Variants in ANO3 observed in about 807,000 individuals in gnomAD.
The protein encoded by ANO3 is anoctamin 3, also known as anoctamin-3.
In ANO3, 99 loss-of-function variants were observed where a neutral mutation model predicts 144.8. That is an observed-to-expected ratio of 0.68 (90% confidence interval 0.58 to 0.81). ANO3 has a LOEUF of 0.81. Ranked by LOEUF, ANO3 falls within the 30% of genes least tolerant of loss-of-function variation. The probability of loss-of-function intolerance (pLI) is 0.00; values close to 1 mark genes in which losing one functional copy is unlikely to be tolerated. For missense variants in ANO3, 905 were observed against 1,202.2 expected, an observed-to-expected ratio of 0.75 and a Z score of 3.66; for synonymous variants, 414 against 392.6, an observed-to-expected ratio of 1.05 and a Z score of -0.64.
intron 1 of ANO3, among the ~76,000 whole-genome samples, chr11:26,396,189 A>G (rs2133968520): frequency 6.6e-6 from 1 of 152,292 alleles, no homozygotes; most frequent in Non-Finnish European, 1.5e-5. Context: ...TATGAAAGAA[A>G]GCTCACAATC....
chr11:26,572,422 G>T (rs1346446646), intron 14 of ANO3, among the ~76,000 whole-genome samples: 1 of 151,946 alleles, frequency 6.6e-6, no homozygotes, highest in Admixed American at 6.6e-5. Flanking sequence ...GTGAAAAAAA[G>T]GACAAAGATT....
At chr11:26,232,827 TC>T (rs1211431387) in intron 1 of ANO3, among the ~76,000 whole-genome samples, 1 of 152,028 alleles carries the variant, frequency 6.6e-6, no homozygotes. Flanking sequence ...AAAGAAACTA[TC>T]ATCAGAGTGA....
chr11:26,624,082 G>A (rs931894695), intron 17 of ANO3, among the ~76,000 whole-genome samples: 1 of 152,240 alleles, frequency 6.6e-6, no homozygotes. Context: ...CACCGCGCCC[G>A]GCCAAAAAAC....
intron 14 of ANO3, among the ~76,000 whole-genome samples, chr11:26,568,172 A>G (rs914002722): frequency 2.0e-5 from 3 of 152,094 alleles, no homozygotes; most frequent in Non-Finnish European, 4.4e-5. Flanking sequence ...ATTGGAAAGT[A>G]TATTACTATT....
rs545074605 is a variant in ANO3, at chr11:26,227,428, T to C, written c.154+38098T>C. Among the ~76,000 whole-genome samples, 88 of 152,282 alleles carry C rather than the reference T, an allele frequency of 5.8e-4. 3 individuals are homozygous for C. The South Asian group carries it at 0.018, about 31-fold the overall frequency. On this transcript the variant is annotated intron_variant, in intron 1 of 27. Coordinates refer to the ANO3 transcript ENST00000672621. ...CTTGATTGTCTATGTAATACCACCA[T>C]CTCTTGGTCATGGTTGAGTATGCAT...
intron 1 of ANO3, among the ~76,000 whole-genome samples, chr11:26,257,746 T>C (rs1363248664): frequency 2.6e-5 from 4 of 151,524 alleles, no homozygotes; most frequent in African/African-American, 9.7e-5. Context: ...AAGACATAAA[T>C]ACACATAAAA....
intron 1 of ANO3, among the ~76,000 whole-genome samples, chr11:26,291,031 T>G (rs1853944183): frequency 6.6e-6 from 1 of 152,200 alleles, no homozygotes; most frequent in South Asian, 2.1e-4. Flanking sequence ...CCATTATTAT[T>G]GTGTGGGAGG....
At chr11:26,219,896 T>C (rs1022656763) in intron 1 of ANO3, among the ~76,000 whole-genome samples, 8 of 152,278 alleles carry the variant, frequency 5.3e-5, no homozygotes, top group Middle Eastern at 3.4e-3. Context: ...AAACACTCCA[T>C]TTTGGATTTT....
At chr11:26,194,898 T>C (rs1851554783) in intron 1 of ANO3, among the ~76,000 whole-genome samples, 1 of 152,172 alleles carries the variant, frequency 6.6e-6, no homozygotes, top group South Asian at 2.1e-4. Flanking sequence ...ACATGACATA[T>C]TTTGATACAG....
intron 11 of ANO3, among the ~76,000 whole-genome samples, chr11:26,546,622 C>T (rs1403196180): frequency 1.3e-5 from 2 of 151,946 alleles, no homozygotes; most frequent in African/African-American, 4.8e-5. Flanking sequence ...GCCTTTAATA[C>T]CGGCAGTAGG....
At chr11:26,242,644 G>A (rs1250281582) in intron 1 of ANO3, among the ~76,000 whole-genome samples, 1 of 152,146 alleles carries the variant, frequency 6.6e-6, no homozygotes, top group Non-Finnish European at 1.5e-5. Flanking sequence ...TAGCAGTAAA[G>A]ATATTGGGCT....
intron 11 of ANO3, among the ~76,000 whole-genome samples, chr11:26,544,251 C>CACACATATATAT (rs1183023481): frequency 2.9e-4 from 11 of 38,454 alleles, no homozygotes; most frequent in African/African-American, 4.0e-4. Context: ...TTTCATTATA[C>CACACATATATAT]ATATATATAT....
chr11:26,259,323 A>C (rs1356752200), intron 1 of ANO3, among the ~76,000 whole-genome samples: 2 of 152,120 alleles, frequency 1.3e-5, no homozygotes, highest in African/African-American at 4.8e-5. Flanking sequence ...TGTTTATGTA[A>C]GTATATACAA....
intron 6 of ANO3, among the ~76,000 whole-genome samples, chr11:26,524,479 G>A (rs1214789761): frequency 6.6e-6 from 1 of 152,088 alleles, no homozygotes; most frequent in African/African-American, 2.4e-5. Flanking sequence ...CATACTTAGG[G>A]CTAAATATCA....
At chr11:26,311,743 T>G (rs904992384) in intron 1 of ANO3, among the ~76,000 whole-genome samples, 1 of 152,224 alleles carries the variant, frequency 6.6e-6, no homozygotes, top group African/African-American at 2.4e-5. Context: ...TATGTCTTTC[T>G]GTCTTAATTT....
chr11:26,209,395 G>C (rs530330194), intron 1 of ANO3, among the ~76,000 whole-genome samples: 1 of 152,296 alleles, frequency 6.6e-6, no homozygotes, highest in African/African-American at 2.4e-5. Context: ...GTCTATCACT[G>C]ATGGACATTT....
At chr11:26,544,281 T>TAC (rs34866679) in intron 11 of ANO3, among the ~76,000 whole-genome samples, 5 of 86,988 alleles carry the variant, frequency 5.7e-5, no homozygotes, top group African/African-American at 1.6e-4. Flanking sequence ...TATACACACA[T>TAC]ACACACACAC....
intron 1 of ANO3, among the ~76,000 whole-genome samples, chr11:26,206,066 TTATC>T (rs1228422563): frequency 6.6e-6 from 1 of 152,184 alleles, no homozygotes; most frequent in Non-Finnish European, 1.5e-5. Context: ...AGTAAAGAAT[TTATC>T]AAACAGGATT....
intron 12 of ANO3, among the ~76,000 whole-genome samples, chr11:26,550,981 T>C (rs1304826649): frequency 6.6e-6 from 1 of 151,950 alleles, no homozygotes. Flanking sequence ...TGATTTTTTA[T>C]TGTAGTTTTG....
Sources: allele counts gnomAD v4.1 joint callset (sites outside exome capture counted in the v4.1 genomes callset), GRCh38; gene constraint gnomAD v4.1.1; transcripts MANE v1.5; gene names NCBI Gene and HGNC (gene_info 2026-07-23, HGNC 2026-07-21).